The following RBFOX1 variants were observed in gnomAD, a reference collection of about 807,000 sequenced individuals.
RBFOX1 encodes RNA binding protein fox-1 homolog 1.
RBFOX1 carries 8 observed loss-of-function variants against 57.7 expected under a neutral mutation model. The ratio of observed to expected loss-of-function variants is 0.14; its 90% CI spans 0.08 to 0.25. The LOEUF (loss-of-function observed/expected upper bound fraction) is 0.25. RBFOX1 is among the 10% of genes least tolerant of loss of function. The probability of loss-of-function intolerance (pLI) is 1.00; values close to 1 mark genes in which losing one functional copy is unlikely to be tolerated. For synonymous variants in RBFOX1, 326 were observed against 222.4 expected (o/e 1.47, Z -4.15); for missense variants, 611 against 548.5 (o/e 1.11, Z -1.14).
intron 2 of RBFOX1, among the ~76,000 whole-genome samples, chr16:6,539,173 C>T (rs972629094): frequency 4.0e-5 from 6 of 151,480 alleles, no homozygotes; most frequent in African/African-American, 1.5e-4. Context: ...TTCTCCTTGG[C>T]GGGAAACTTC....
chr16:6,284,514 T>G (rs1361503064), intron 1 of RBFOX1, among the ~76,000 whole-genome samples: 1 of 152,160 alleles, frequency 6.6e-6, no homozygotes, highest in Non-Finnish European at 1.5e-5. Context: ...GGATAAATGT[T>G]TCATTCATTT....
At chr16:7,281,813 T>A (rs8043975) in intron 4 of RBFOX1, among the ~76,000 whole-genome samples, 33 of 151,958 alleles carry the variant, frequency 2.2e-4, no homozygotes, top group Admixed American at 2.2e-3. Flanking sequence ...AAAATAATCT[T>A]TCTTTCTCTC....
chr16:6,911,075 C>A (rs907340412), intron 3 of RBFOX1, among the ~76,000 whole-genome samples: 1 of 151,956 alleles, frequency 6.6e-6, no homozygotes, highest in Admixed American at 6.6e-5. Flanking sequence ...GTGGCAGGCA[C>A]CTGTAATCCC....
At chr16:5,904,111 C>T (rs541462261) in intron 4 of RBFOX1, among the ~76,000 whole-genome samples, 31 of 152,190 alleles carry the variant, frequency 2.0e-4, no homozygotes, top group Non-Finnish European at 3.2e-4. Context: ...GCAGGTAAGG[C>T]GAATGGGCCT....
At chr16:6,564,503 G>T (rs1214591848) in intron 2 of RBFOX1, among the ~76,000 whole-genome samples, 2 of 151,580 alleles carry the variant, frequency 1.3e-5, no homozygotes, top group African/African-American at 4.8e-5. Flanking sequence ...CAAACACATG[G>T]GTAAACCTGG....
In RBFOX1 at chr16:6,706,973, T is replaced by C. The variant is rs550424886; in HGVS notation, c.-16+52323T>C. 4.6e-5 allele frequency among the ~76,000 whole-genome samples: 7 copies of C among 152,274 alleles called. No individual in the cohort carries two copies. The East Asian group carries it at 9.7e-4, about 21-fold the overall frequency. ...ACCATGAAAAATTACAAACGTGTGG[T>C]ATTTTTACTGACAAATGTGGAACAG... On this transcript the variant is annotated intron_variant, in intron 3 of 15. Coordinates refer to ENST00000550418, the MANE Select transcript of RBFOX1 (RefSeq NM_018723.4).
chr16:6,265,721 C>T (rs2074398566), intron 1 of RBFOX1, among the ~76,000 whole-genome samples: 1 of 152,118 alleles, frequency 6.6e-6, no homozygotes, highest in African/African-American at 2.4e-5. Context: ...TTTTCTTTAC[C>T]ATGTTAGCTC....
chr16:6,878,390 A>G (rs2062240587), intron 3 of RBFOX1, among the ~76,000 whole-genome samples: 1 of 152,172 alleles, frequency 6.6e-6, no homozygotes, highest in South Asian at 2.1e-4. Flanking sequence ...TGGTGGCTAG[A>G]AATATTTCAG....
chr16:6,130,037 A>C (rs542616041), intron 1 of RBFOX1, among the ~76,000 whole-genome samples: 1 of 152,292 alleles, frequency 6.6e-6, no homozygotes, highest in African/African-American at 2.4e-5. Flanking sequence ...GGACATGATC[A>C]AATATGAAAG....
At chr16:7,325,905 T>A (rs1345897485) in intron 4 of RBFOX1, among the ~76,000 whole-genome samples, 1 of 152,218 alleles carries the variant, frequency 6.6e-6, no homozygotes, top group Non-Finnish European at 1.5e-5. Context: ...TCTTCTCACC[T>A]ACGCTGGATG....
At chr16:5,599,468 C>G (rs1244870615) in exon 3 of RBFOX1, 1 of 518,316 alleles carries the variant, frequency 1.9e-6, no homozygotes, top group East Asian at 3.2e-5. Context: ...ATCTGTCACC[C>G]ACGAATAACA....
intron 3 of RBFOX1, among the ~76,000 whole-genome samples, chr16:6,734,396 A>G (rs1205308574): frequency 6.6e-6 from 1 of 152,194 alleles, no homozygotes; most frequent in African/African-American, 2.4e-5. Flanking sequence ...AATTTACTGA[A>G]CACTGACAAT....
At chr16:5,552,367 C>T (rs1020568744) in intron 2 of RBFOX1, among the ~76,000 whole-genome samples, 1 of 152,200 alleles carries the variant, frequency 6.6e-6, no homozygotes, top group Non-Finnish European at 1.5e-5. Context: ...AATTATTGAG[C>T]TCTTCAATGA....
intron 14 of RBFOX1, among the ~76,000 whole-genome samples, chr16:7,704,238 A>T: frequency 6.6e-6 from 1 of 152,242 alleles, no homozygotes; most frequent in East Asian, 1.9e-4. Flanking sequence ...AAGGTCAAAA[A>T]GATGAGGTCT....
At chr16:6,322,589 A>G (rs566551578) in intron 2 of RBFOX1, among the ~76,000 whole-genome samples, 1 of 152,326 alleles carries the variant, frequency 6.6e-6, no homozygotes, top group Admixed American at 6.5e-5. Flanking sequence ...CAACGTAGGA[A>G]GTTGACCCTA....
chr16:6,780,734 C>G lies in RBFOX1; in HGVS notation c.-16+126084C>G, dbSNP rs150826972. Among the ~76,000 whole-genome samples, 1,439 of 151,172 alleles carry G rather than the reference C, an allele frequency of 9.5e-3. 28 individuals carry two copies. The highest frequency in any genetic ancestry group is 0.033 in the African/African-American group (1,361 of 41,204). On this transcript the variant is annotated intron_variant, in intron 3 of 15. Transcript: ENST00000550418. ...CATTACAATTTTGATTTGCATTTCT[C>G]TAATGATTAGTGACGTTGAGCATTT...
intron 3 of RBFOX1, among the ~76,000 whole-genome samples, chr16:6,944,314 G>C (rs995530522): frequency 3.3e-5 from 5 of 150,720 alleles, no homozygotes; most frequent in African/African-American, 4.9e-5. Context: ...AGAATCGCTT[G>C]AACCGAAGAG....
chr16:6,649,341 C>G (rs1378570060), intron 2 of RBFOX1, among the ~76,000 whole-genome samples: 1 of 152,098 alleles, frequency 6.6e-6, no homozygotes, highest in African/African-American at 2.4e-5. Context: ...TGTGGTTCTT[C>G]CTTGATGGAC....
intron 4 of RBFOX1, among the ~76,000 whole-genome samples, chr16:7,206,705 C>G (rs544302937): frequency 4.6e-5 from 7 of 152,080 alleles, no homozygotes; most frequent in East Asian, 1.9e-4. Context: ...TGAGGATTTA[C>G]GAAGTGACAA....
Sources: gnomAD v4.1 joint callset for allele counts (sites outside exome capture counted in the v4.1 genomes callset) on GRCh38, gnomAD v4.1.1 for gene constraint, MANE v1.5 for transcripts, NCBI Gene and HGNC (gene_info 2026-07-23, HGNC 2026-07-21) for gene names.